SOD2: variants seen among roughly 807,000 people sequenced by gnomAD.
The protein encoded by SOD2 is superoxide dismutase [Mn], mitochondrial.
Under a neutral mutation model 27.0 loss-of-function variants are expected in SOD2, and 11 were observed. The ratio of observed to expected loss-of-function variants is 0.41; its 90% CI spans 0.26 to 0.67. The LOEUF (loss-of-function observed/expected upper bound fraction) is 0.67. SOD2 is among the 30% of genes least tolerant of loss of function. The pLI is 0.34. For synonymous variants in SOD2, 105 were observed against 103.0 expected (o/e 1.02, Z -0.12); for missense variants, 250 against 274.5 (o/e 0.91, Z 0.63).
At chr6:159,762,063 G>A (rs978307315) in exon 1 of SOD2, 2 of 1,611,960 alleles carry the variant, frequency 1.2e-6, no homozygotes, top group Non-Finnish European at 1.7e-6. Flanking sequence ...GGCAGCGCAG[G>A]GCAGACGGCG....
At chr6:159,753,031 T>C (rs1033594753) in intron 1 of SOD2, among the ~76,000 whole-genome samples, 3 of 152,254 alleles carry the variant, frequency 2.0e-5, no homozygotes, top group Non-Finnish European at 4.4e-5. Context: ...TTGTAGGTAC[T>C]GATTTTCATA....
At chr6:159,714,287 A>G (rs1487273700) in intron 1 of SOD2, among the ~76,000 whole-genome samples, 7 of 151,986 alleles carry the variant, frequency 4.6e-5, no homozygotes, top group Non-Finnish European at 7.4e-5. Flanking sequence ...CTTTTCCTCT[A>G]TTCTTTTTTC....
At chr6:159,704,212 G>A (rs987316135) in intron 1 of SOD2, among the ~76,000 whole-genome samples, 1 of 152,156 alleles carries the variant, frequency 6.6e-6, no homozygotes, top group Non-Finnish European at 1.5e-5. Flanking sequence ...TGCAGAAGAC[G>A]GGTGATTTCT....
At position 159,676,906 on chromosome 6, in the gene SOD2, A is replaced by G. The variant is rs1389128251; in HGVS notation, c.*5587T>C. ...ACCCAGGTCTTCCAGTACCTAATTC[A>G]ATGTTCTTTCCATGCCCACACAAAG... is the stretch of plus-strand genomic sequence containing the variant. On this transcript the variant is annotated 3_prime_UTR_variant, in exon 5 of 5. Transcript: ENST00000538183. The G allele has an allele frequency of 2.0e-5, 3 of 152,032 alleles. No individual in the cohort carries two copies. Among genetic ancestry groups the G allele is most frequent in the Non-Finnish European group, 4.4e-5 (3 of 68,034 alleles). 9.4% of individuals were successfully genotyped at this position (152,032 alleles called of 1,614,324 possible). A position where few individuals can be genotyped will look rare whatever the true frequency, so the allele number is the denominator to read the frequency against.
At chr6:159,753,319 GA>G (rs1195982443) in intron 1 of SOD2, 1 of 1,223,842 alleles carries the variant, frequency 8.2e-7, no homozygotes, top group Non-Finnish European at 1.1e-6. Flanking sequence ...ATGTGTCCCA[GA>G]AAAGAAGATG....
chr6:159,732,136 G>C (rs1329670126), upstream of SOD2, among the ~76,000 whole-genome samples: 1 of 151,990 alleles, frequency 6.6e-6, no homozygotes, highest in Non-Finnish European at 1.5e-5. Flanking sequence ...TTTTTGATCC[G>C]AGTACTGTAT....
At chr6:159,756,263 G>T (rs1172255406) in intron 1 of SOD2, 7 of 152,648 alleles carry the variant, frequency 4.6e-5, no homozygotes, top group Non-Finnish European at 1.5e-5. Context: ...TGTGACTCCA[G>T]TATATCTTAC....
At chr6:159,687,449 C>T (rs978438615) in intron 3 of SOD2, among the ~76,000 whole-genome samples, 4 of 151,394 alleles carry the variant, frequency 2.6e-5, no homozygotes, top group African/African-American at 9.7e-5. Context: ...TGCACCACTG[C>T]GCTCCAGCCT....
chr6:159,755,733 G>A lies in SOD2; in HGVS notation c.-336+5304C>T. On this transcript the variant is annotated intron_variant, in intron 1 of 7. Coordinates refer to the SOD2 transcript ENST00000546087. Reference sequence around the variant, plus strand: ...TGGGTGTACGTTTTGGTTTTTTTTTGTTGTTTTTTTTCTTTGTTTTTTTTT... The same window carrying A: ...TGGGTGTACGTTTTGGTTTTTTTTTATTGTTTTTTTTCTTTGTTTTTTTTT... 9.1e-6 allele frequency: 5 copies of A among 551,020 alleles called. No homozygotes were observed. In the South Asian group the frequency reaches 5.0e-4, roughly 55 times the overall value. 34.1% of individuals were successfully genotyped at this position (551,020 alleles called of 1,614,324 possible).
At chr6:159,750,866 G>A (rs1779794720) in intron 1 of SOD2, among the ~76,000 whole-genome samples, 1 of 152,206 alleles carries the variant, frequency 6.6e-6, no homozygotes, top group Admixed American at 6.5e-5. Flanking sequence ...ATTTCCAGTG[G>A]TGGAATGGGT....
At chr6:159,761,629 G>C in exon 1 of SOD2, 3 of 453,910 alleles carry the variant, frequency 6.6e-6, no homozygotes, top group South Asian at 4.7e-5. Flanking sequence ...TGGGATTCCA[G>C]TCCTGAGCTG....
At chr6:159,699,003 G>A (rs1177575885) in intron 1 of SOD2, among the ~76,000 whole-genome samples, 1 of 151,870 alleles carries the variant, frequency 6.6e-6, no homozygotes, top group Non-Finnish European at 1.5e-5. Flanking sequence ...TCAAACCCAT[G>A]TTGTTCAAGG....
chr6:159,696,595 C>T (rs1280257664), upstream of SOD2, among the ~76,000 whole-genome samples: 1 of 152,130 alleles, frequency 6.6e-6, no homozygotes, highest in African/African-American at 2.4e-5. Context: ...GCTGGGATTA[C>T]AGGCATGAGC....
Position 159,682,601 on chromosome 6 carries a change from G to A in SOD2, c.561C>T (p.His187=), listed in dbSNP as rs1432465607. The A allele has an allele frequency of 3.7e-6, 6 of 1,613,610 alleles. No individual in the cohort carries two copies. Among genetic ancestry groups the A allele is most frequent in the African/African-American group, 2.7e-5 (2 of 74,890 alleles). ...CATTTTTATACTGAAGGTAGTAAGC[G>A]TGCTCCCACACATCAATCCCCAGCA... is the stretch of plus-strand genomic sequence containing the variant. ...IPLLGIDVWE[H]AYYLQYKNVR... Residue 187 remains histidine (H), a synonymous_variant, in exon 5 of 5, where the codon CAC becomes CAT. Coordinates refer to ENST00000538183, the MANE Select transcript of SOD2 (RefSeq NM_000636.4).
upstream of SOD2, chr6:159,727,480 G>GGGGCCGGGCGGCGGGGCC: frequency 2.0e-6 from 2 of 994,120 alleles, no homozygotes; most frequent in Non-Finnish European, 2.4e-6. Context: ...GCGGCGGGGC[G>GGGGCCGGGCGGCGGGGCC]GGGCCGGGCG....
chr6:159,752,138 T>C (rs1009807612), intron 1 of SOD2, among the ~76,000 whole-genome samples: 2 of 151,722 alleles, frequency 1.3e-5, no homozygotes, highest in African/African-American at 4.8e-5. Flanking sequence ...TACAAAATGC[T>C]CTCATTTTTA....
At chr6:159,690,148 G>A (rs1030198438) in intron 2 of SOD2, among the ~76,000 whole-genome samples, 10 of 150,198 alleles carry the variant, frequency 6.7e-5, no homozygotes, top group African/African-American at 2.5e-4. Flanking sequence ...GTAGCCAGGC[G>A]TGGTGGCGTA....
intron 1 of SOD2, among the ~76,000 whole-genome samples, chr6:159,732,687 G>A (rs539483436): frequency 6.6e-6 from 1 of 152,078 alleles, no homozygotes; most frequent in Non-Finnish European, 1.5e-5. Context: ...AGCCGGGCGT[G>A]GTGGCAGGCA....
At chr6:159,726,954 C>A (rs1282695991) in intron 1 of SOD2, 21 of 1,287,200 alleles carry the variant, frequency 1.6e-5, no homozygotes, top group East Asian at 5.6e-5. Flanking sequence ...CACGGATGAG[C>A]GTCACGAACA....
Sources: allele counts gnomAD v4.1 joint callset (sites outside exome capture counted in the v4.1 genomes callset), GRCh38; gene constraint gnomAD v4.1.1; transcripts MANE v1.5; gene names NCBI Gene and HGNC (gene_info 2026-07-23, HGNC 2026-07-21).